The following CRIP3 variants were observed in gnomAD, a reference collection of about 807,000 sequenced individuals.
The protein encoded by CRIP3 is cysteine-rich protein 3.
A neutral mutation model predicts 30.3 loss-of-function variants in CRIP3; 23 were observed. The ratio of observed to expected loss-of-function variants is 0.76; its 90% CI spans 0.55 to 1.08. The LOEUF (loss-of-function observed/expected upper bound fraction) is 1.08, where lower values mean the gene tolerates loss of function less well. Among genes scored for constraint, CRIP3 ranks in the 50% least tolerant of loss-of-function variants. The pLI is 0.00. For missense variants in CRIP3, 261 were observed against 259.3 expected, an observed-to-expected ratio of 1.01 and a Z score of -0.04; for synonymous variants, 89 against 97.6, an observed-to-expected ratio of 0.91 and a Z score of 0.52.
chr6:43,308,566 A>T, intron 1 of CRIP3, 157 bp from the exon 2 acceptor site: 1 of 918,276 alleles, frequency 1.1e-6, no homozygotes. Flanking sequence ...CCGGTTTCAC[A>T]CTCCCCACAG....
rs1481806088 is a variant in CRIP3, at chr6:43,306,511, G to A, written c.335C>T (p.Pro112Leu). 6.2e-7 allele frequency: 1 copy of A among 1,606,188 alleles called. No homozygotes were observed. Among genetic ancestry groups the A allele is most frequent in the Non-Finnish European group, 8.5e-7 (1 of 1,176,130 alleles). Reference sequence around the variant, plus strand: ...CTCCCCAGTGAATGTCTTCATATGGGGAGGGCCTTTAAAGGGGAAGAGGCC... The same window carrying A: ...CTCCCCAGTGAATGTCTTCATATGGAGAGGGCCTTTAAAGGGGAAGAGGCC... ...TGLPQGKKSP[P>L]HMKTFTGETS... The change falls in exon 5 of 8, where the codon CCC becomes CTC. Residue 112 changes from proline (P) to leucine (L), a missense_variant. By Grantham distance (98) the Pro-to-Leu change is moderately conservative. Coordinates refer to ENST00000372569, the MANE Select transcript of CRIP3 (RefSeq NM_206922.3).
At position 43,308,645 on chromosome 6, in the gene CRIP3, G is replaced by A. The variant is rs577464906; in HGVS notation, c.43+105C>T. On this transcript the variant is annotated intron_variant, in intron 1 of 7. Transcript: ENST00000372569. ...GCGGAGACTACCAGCCGCTGCAGGT[G>A]AAAAGGGTGTCTGGGACTACACTGT... The A allele has an allele frequency of 4.8e-3, 6,797 of 1,426,252 alleles. 25 individuals are homozygous for A. Among genetic ancestry groups the A allele is most frequent in the Non-Finnish European group, 5.6e-3 (5,645 of 1,016,506 alleles). 88.3% of individuals were successfully genotyped at this position (1,426,252 alleles called of 1,614,324 possible).
Position 43,307,873 on chromosome 6 carries a change from G to T in CRIP3, c.162C>A (p.His54Gln), listed in dbSNP as rs771453914. 2.5e-6 allele frequency: 4 copies of T among 1,613,902 alleles called. No homozygotes were observed. Among genetic ancestry groups the T allele is most frequent in the Non-Finnish European group, 3.4e-6 (4 of 1,180,016 alleles). The change falls in exon 3 of 8, where the codon CAC (histidine) becomes CAA (glutamine). Residue 54 changes from histidine (H) to glutamine (Q), a missense_variant. His to Gln is a conservative substitution (Grantham distance 24). Coordinates refer to ENST00000372569, the MANE Select transcript of CRIP3 (RefSeq NM_206922.3). Reference protein sequence around the residue: ...HAEHNGRPYCHKPCYGALFGP... With the variant: ...HAEHNGRPYCQKPCYGALFGP... ...CAAAGAGAGCCCCATAGCATGGCTT[G>T]TGGCAGTATGGCCTCCCATTGTGCT...
rs1326354858 is a variant in CRIP3 at position 43,306,414 on chromosome 6, T to C, written c.400+32A>G. ...CCTCCCCCTTGCTGCCCACCCTGTA[T>C]CCCCCTCCCCAAGTTTTCCACTGTT... On this transcript the variant is annotated intron_variant, in intron 5 of 7. Coordinates refer to ENST00000372569, the MANE Select transcript of CRIP3 (RefSeq NM_206922.3). 3.1e-6 allele frequency: 5 copies of C among 1,593,744 alleles called. No homozygotes were observed. The South Asian group carries it at 4.4e-5, about 14-fold the overall frequency.
In CRIP3 at chr6:43,306,134, A is replaced by G; in HGVS notation, c.496-10T>C. On this transcript the variant is annotated splice_polypyrimidine_tract_variant and intron_variant, in intron 6 of 7. Coordinates refer to ENST00000372569, the MANE Select transcript of CRIP3 (RefSeq NM_206922.3). ...AGGGGACTCCATCATGCTGAGACAC[A>G]GAGAGAAAGAGAGCTGTCTCAGCCT... 6.2e-7 allele frequency: 1 copy of G among 1,613,968 alleles called. No homozygotes were observed.
At chr6:43,306,606 C>T (rs892586120) in intron 4 of CRIP3, 89 bp from the exon 5 acceptor site, 3 of 1,150,022 alleles carry the variant, frequency 2.6e-6, no homozygotes, top group Non-Finnish European at 3.7e-6. Flanking sequence ...TTTCAAAAGC[C>T]ATGCTCATTC....
In CRIP3 at chr6:43,306,057, G is replaced by A; in HGVS notation, c.553+10C>T. On this transcript the variant is annotated intron_variant, in intron 7 of 7. Coordinates refer to ENST00000372569, the MANE Select transcript of CRIP3 (RefSeq NM_206922.3). ...CATGCCATCCCAGTGTCTGGGATGG[G>A]GCTGCCCACCTTTGGGGCCAAACAG... 1 of 1,612,490 alleles carries A rather than the reference G, an allele frequency of 6.2e-7. No individual in the cohort carries two copies. The highest frequency in any genetic ancestry group is 8.5e-7 in the Non-Finnish European group (1 of 1,179,120).
intron 5 of CRIP3, 65 bp downstream of exon 5, chr6:43,306,381 A>C: frequency 6.2e-7 from 1 of 1,605,450 alleles, no homozygotes; most frequent in Non-Finnish European, 8.5e-7. Flanking sequence ...CCTGCCTTGG[A>C]TCACCTCCCT....
chr6:43,308,763 T>A lies in CRIP3; in HGVS notation c.30A>T (p.Gln10His). MSWTCPRCQ[Q>H]PVFFAEKVSS... ...CCCGGGCCTCACCGAAGAAAACAGG[T>A]TGCTGGCAACGCGGACAGGTCCAGC... The change falls in exon 1 of 8, where the codon CAA becomes CAT. Residue 10 changes from glutamine to histidine, a missense_variant. Coordinates refer to ENST00000372569, the MANE Select transcript of CRIP3 (RefSeq NM_206922.3). 9 of 1,613,452 alleles carry A rather than the reference T, an allele frequency of 5.6e-6. No homozygotes were observed. The highest frequency in any genetic ancestry group is 7.6e-6 in the Non-Finnish European group (9 of 1,179,940).
intron 4 of CRIP3, 193 bp from the exon 5 acceptor site, chr6:43,306,710 A>G (rs1778942325): frequency 1.8e-6 from 1 of 570,044 alleles, no homozygotes; most frequent in Admixed American, 3.4e-5. Flanking sequence ...CCCTATGTGT[A>G]TTAGGGACTA....
At position 43,306,299 on chromosome 6, in the gene CRIP3, A is replaced by C. The variant is rs565234173; in HGVS notation, c.415T>G (p.Ser139Ala). Residue 139 changes from serine to alanine, a missense_variant, in exon 6 of 8, where the codon TCA becomes GCA. Coordinates refer to ENST00000372569, the MANE Select transcript of CRIP3 (RefSeq NM_206922.3). ...GGTCGGTGCCAATTTCTGCCTAATG[A>C]CATCACCTTCTCAGCTGGTGGTGGA... ...EPVYFAEKVMSLGRNWHRPCL... is the reference protein window; with the variant it reads ...EPVYFAEKVMALGRNWHRPCL... The C allele has an allele frequency of 1.9e-6, 3 of 1,613,958 alleles. No homozygotes were observed. The East Asian group carries it at 6.7e-5, about 36-fold the overall frequency.
In CRIP3 at chr6:43,307,734, A is replaced by G; in HGVS notation, c.206T>C (p.Ile69Thr). ...GTACAAGTAGGAGCCTACACCACCA[A>G]TGTTCACCCCTGAAGAGAGAATAGG... ...GALFGPRGVN[I>T]GGVGSYLYNP... The change falls in exon 4 of 8, where the codon ATT (isoleucine) becomes ACT (threonine). Residue 69 changes from isoleucine to threonine, a missense_variant. Coordinates refer to ENST00000372569, the MANE Select transcript of CRIP3 (RefSeq NM_206922.3). 3 of 1,585,472 alleles carry G rather than the reference A, an allele frequency of 1.9e-6. No individual in the cohort carries two copies. The highest frequency in any genetic ancestry group is 1.7e-6 in the Non-Finnish European group (2 of 1,161,908).
Position 43,306,475 on chromosome 6 carries a change from C to T in CRIP3, c.371G>A (p.Cys124Tyr), listed in dbSNP as rs764700704. The T allele has an allele frequency of 6.2e-7, 1 of 1,613,136 alleles. No homozygotes were observed. Among genetic ancestry groups the T allele is most frequent in the Admixed American group, 1.7e-5 (1 of 59,924 alleles). The part of the protein sequence containing the change: ...MKTFTGETSL[C>Y]PGCGEPVYFA... ...ATAGACGGGCTCCCCACAGCCAGGG[C>T]ACAGCGAGGTCTCCCCAGTGAATGT... is the stretch of plus-strand genomic sequence containing the variant. The change falls in exon 5 of 8, where the codon TGC (cysteine) becomes TAC (tyrosine). Residue 124 changes from cysteine (C) to tyrosine (Y), a missense_variant. Coordinates refer to ENST00000372569, the MANE Select transcript of CRIP3 (RefSeq NM_206922.3).
chr6:43,305,776 G>A lies in CRIP3; in HGVS notation c.*38C>T. Reference sequence around the variant, plus strand: ...TCCATTGGACCATGAGGGGCATGATGGGAGGCCTGAGTTAGGGTGACCTTT... The same window carrying A: ...TCCATTGGACCATGAGGGGCATGATAGGAGGCCTGAGTTAGGGTGACCTTT... On this transcript the variant is annotated 3_prime_UTR_variant, in exon 8 of 8. Transcript: ENST00000372569. The A allele has an allele frequency of 6.2e-7, 1 of 1,611,714 alleles. No individual in the cohort carries two copies. The highest frequency in any genetic ancestry group is 8.5e-7 in the Non-Finnish European group (1 of 1,178,054).
Position 43,307,726 on chromosome 6 carries a change from C to G in CRIP3, c.214G>C (p.Val72Leu), listed in dbSNP as rs1484918481. ...FGPRGVNIGG[V>L]GSYLYNPPTP... ...GGGGGATTGTACAAGTAGGAGCCTA[C>G]ACCACCAATGTTCACCCCTGAAGAG... The change falls in exon 4 of 8, where the codon GTA becomes CTA. Residue 72 changes from valine (V) to leucine (L), a missense_variant. Physicochemically the swap from Val to Leu is conservative, Grantham distance 32 (BLOSUM62 1). Transcript: ENST00000372569. 1 of 1,580,970 alleles carries G rather than the reference C, an allele frequency of 6.3e-7. No individual in the cohort carries two copies. Among genetic ancestry groups the G allele is most frequent in the Non-Finnish European group, 8.6e-7 (1 of 1,159,528 alleles).
intron 1 of CRIP3, 24 bp from the exon 2 acceptor site, chr6:43,308,433 A>G: frequency 6.3e-7 from 1 of 1,596,010 alleles, no homozygotes; most frequent in East Asian, 2.2e-5. Flanking sequence ...AGTGGAACCG[A>G]GCTGCGAGGA....
intron 4 of CRIP3, 149 bp downstream of exon 4, chr6:43,307,463 G>A (rs532565552): frequency 3.6e-5 from 25 of 693,836 alleles, no homozygotes; most frequent in South Asian, 3.6e-4. Context: ...AAAAAAAAGC[G>A]GGGAGTAGAT....
chr6:43,306,332 G>T lies in CRIP3; in HGVS notation c.401-19C>A. ...TTCTCAGCTGGTGGTGGAAAGAAGT[G>T]GTAATGCTTCCATTCTAGGGGTAGA... is the stretch of plus-strand genomic sequence containing the variant. On this transcript the variant is annotated intron_variant, in intron 5 of 7. Transcript: ENST00000372569. 6.2e-7 allele frequency: 1 copy of T among 1,613,286 alleles called. No homozygotes were observed. The highest frequency in any genetic ancestry group is 2.2e-5 in the East Asian group (1 of 44,874).
chr6:43,305,892 T>C lies in CRIP3; in HGVS notation c.554-17A>G, dbSNP rs1402092136. 2 of 1,614,160 alleles carry C rather than the reference T, an allele frequency of 1.2e-6. No homozygotes were observed. Among genetic ancestry groups the C allele is most frequent in the Admixed American group, 3.3e-5 (2 of 60,022 alleles). On this transcript the variant is annotated splice_polypyrimidine_tract_variant and intron_variant, in intron 7 of 7. Coordinates refer to ENST00000372569, the MANE Select transcript of CRIP3 (RefSeq NM_206922.3). ...TGTTCACACCTGAGAGAGAGAGCCCTATCACCAAAGGCCCTGGGTCTGTGG... is the reference window on the plus strand; with the variant it reads ...TGTTCACACCTGAGAGAGAGAGCCCCATCACCAAAGGCCCTGGGTCTGTGG...
Sources: allele counts gnomAD v4.1 joint callset, GRCh38; gene constraint gnomAD v4.1.1; transcripts MANE v1.5; gene names NCBI Gene and HGNC (gene_info 2026-07-23, HGNC 2026-07-21).